Variants in COL4A6 observed in about 807,000 individuals in gnomAD.
COL4A6 encodes collagen type IV alpha 6 chain.
A neutral mutation model predicts 126.7 loss-of-function variants in COL4A6; 59 were observed. The ratio of observed to expected loss-of-function variants is 0.47; its 90% CI spans 0.38 to 0.58. COL4A6 has a LOEUF of 0.58. Ranked by LOEUF, COL4A6 falls within the 20% of genes least tolerant of loss-of-function variation. The probability of loss-of-function intolerance (pLI) is 0.00; values close to 1 mark genes in which losing one functional copy is unlikely to be tolerated. For synonymous variants in COL4A6, 547 were observed against 496.6 expected, an observed-to-expected ratio of 1.10 and a Z score of -1.35; for missense variants, 1,285 against 1,337.3, an observed-to-expected ratio of 0.96 and a Z score of 0.61.
rs374158244 is a variant in COL4A6 at position 108,164,834 on chromosome X, C to T, written c.3970+43G>A. The T allele has an allele frequency of 4.0e-5, 48 of 1,186,438 alleles. No homozygotes were observed. In the African/African-American group the frequency reaches 5.7e-4, roughly 14 times the overall value. On this transcript the variant is annotated intron_variant, in intron 39 of 44. Coordinates refer to ENST00000334504, the MANE Select transcript of COL4A6 (RefSeq NM_033641.4). ...CAGGACTGCAGGAAGGAGTCCTGGC[C>T]GTGGAGTGGGGAAGGGCCCAGCAGC...
Position 108,398,342 on chromosome X carries a change from T to A in COL4A6, c.63+39600A>T, listed in dbSNP as rs72618362. Among the ~76,000 whole-genome samples, 3 of 111,477 alleles carry A rather than the reference T, an allele frequency of 2.7e-5. No homozygotes were observed. The East Asian group carries it at 8.4e-4, about 31-fold the overall frequency. ...GGAAAGCCTAAAAGGTTGTCCATGGTTCTGTACCTTTTAAAATTTATGTGT... is the reference window on the plus strand; with the variant it reads ...GGAAAGCCTAAAAGGTTGTCCATGGATCTGTACCTTTTAAAATTTATGTGT... On this transcript the variant is annotated intron_variant, in intron 2 of 44. Transcript: ENST00000334504.
chrX:108,414,890 T>G (rs913389998), intron 2 of COL4A6, among the ~76,000 whole-genome samples: 1 of 111,726 alleles, frequency 9.0e-6, no homozygotes, highest in African/African-American at 3.3e-5. Context: ...GGATCATGGA[T>G]CACCAGTTTG....
At chrX:108,370,216 C>T (rs2040293181) in intron 2 of COL4A6, among the ~76,000 whole-genome samples, 1 of 112,113 alleles carries the variant, frequency 8.9e-6, no homozygotes, top group Non-Finnish European at 1.9e-5. Flanking sequence ...GATGGTTTTT[C>T]ATTTTTACTT....
intron 2 of COL4A6, among the ~76,000 whole-genome samples, chrX:108,355,482 C>T (rs751007759): frequency 2.7e-5 from 3 of 112,371 alleles, no homozygotes; most frequent in East Asian, 5.6e-4. Flanking sequence ...CTATTTGGTA[C>T]AGTGGTGAAC....
At chrX:108,420,653 G>A (rs1258469083) in intron 2 of COL4A6, among the ~76,000 whole-genome samples, 1 of 111,763 alleles carries the variant, frequency 8.9e-6, no homozygotes, top group Non-Finnish European at 1.9e-5. Flanking sequence ...CACTGTTACT[G>A]GCATCTAATA....
intron 23 of COL4A6, chrX:108,183,859 C>T: frequency 1.9e-6 from 1 of 515,545 alleles, no homozygotes; most frequent in Non-Finnish European, 2.7e-6. Flanking sequence ...CCCAGATATG[C>T]CCACCAACCA....
At chrX:108,305,746 G>A (rs927032235) in intron 3 of COL4A6, among the ~76,000 whole-genome samples, 1 of 112,012 alleles carries the variant, frequency 8.9e-6, no homozygotes, top group Non-Finnish European at 1.9e-5. Flanking sequence ...GAGAAGACAA[G>A]CATGACTCCC....
intron 2 of COL4A6, among the ~76,000 whole-genome samples, chrX:108,379,001 G>A (rs527787478): frequency 8.9e-6 from 1 of 112,321 alleles, no homozygotes; most frequent in South Asian, 3.7e-4. Flanking sequence ...CATGGAAAGA[G>A]CTTGGGTTTC....
chrX:108,419,234 A>G (rs1280070599), intron 2 of COL4A6, among the ~76,000 whole-genome samples: 1 of 112,239 alleles, frequency 8.9e-6, no homozygotes, highest in African/African-American at 3.2e-5. Context: ...TGACATTCTA[A>G]ATACTAGTAA....
chrX:108,337,677 G>A (rs2039464850), intron 2 of COL4A6, among the ~76,000 whole-genome samples: 1 of 112,122 alleles, frequency 8.9e-6, no homozygotes, highest in Non-Finnish European at 1.9e-5. Context: ...GTAAACATGG[G>A]GATATGAATA....
intron 2 of COL4A6, among the ~76,000 whole-genome samples, chrX:108,352,798 G>T (rs763890796): frequency 8.9e-6 from 1 of 112,183 alleles, no homozygotes; most frequent in Admixed American, 9.4e-5. Flanking sequence ...AAGGGATTAC[G>T]TGCTTACAGC....
rs185069235 is a variant in COL4A6 at position 108,390,466 on chromosome X, T to C, written c.63+47476A>G. On this transcript the variant is annotated intron_variant, in intron 2 of 44. Coordinates refer to ENST00000334504, the MANE Select transcript of COL4A6 (RefSeq NM_033641.4). ...TTTCTCTAATCTTTTCTTCTCGCTTTATTTCATTGAGTTGATCTTCAATCT... is the reference window on the plus strand; with the variant it reads ...TTTCTCTAATCTTTTCTTCTCGCTTCATTTCATTGAGTTGATCTTCAATCT... 2.7e-5 allele frequency among the ~76,000 whole-genome samples: 3 copies of C among 109,287 alleles called. No individual in the cohort carries two copies. In the Admixed American group the frequency reaches 3.0e-4, roughly 11 times the overall value. 94.9% of individuals were successfully genotyped at this position (109,287 alleles called of 115,157 possible). A position where few individuals can be genotyped will look rare whatever the true frequency, so the allele number is the denominator to read the frequency against.
Position 108,192,924 on chromosome X carries a change from T to C in COL4A6, c.1073-344A>G, listed in dbSNP as rs138273335. Among the ~76,000 whole-genome samples the C allele has an allele frequency of 4.2e-3, 477 of 112,597 alleles. 3 individuals are homozygous for C. The highest frequency in any genetic ancestry group is 0.014 in the African/African-American group (429 of 31,048). On this transcript the variant is annotated intron_variant, in intron 17 of 44. Coordinates refer to ENST00000334504, the MANE Select transcript of COL4A6 (RefSeq NM_033641.4). ...AAGTCCACTATTTACGTTATACATATATGTTTCCTGGGAGTGGTACACAGG... is the reference window on the plus strand; with the variant it reads ...AAGTCCACTATTTACGTTATACATACATGTTTCCTGGGAGTGGTACACAGG...
intron 2 of COL4A6, among the ~76,000 whole-genome samples, chrX:108,427,002 G>T (rs2064097885): frequency 8.9e-6 from 1 of 112,209 alleles, no homozygotes; most frequent in Admixed American, 9.5e-5. Flanking sequence ...TTTGATAAAT[G>T]TGGAAGGACC....
chrX:108,432,473 G>T (rs778213415), intron 2 of COL4A6, among the ~76,000 whole-genome samples: 1 of 112,019 alleles, frequency 8.9e-6, no homozygotes, highest in East Asian at 2.8e-4. Context: ...TCAACATTTA[G>T]AATTATGGGA....
At chrX:108,331,919 G>GA in intron 2 of COL4A6, among the ~76,000 whole-genome samples, 1 of 111,249 alleles carries the variant, frequency 9.0e-6, no homozygotes, top group Non-Finnish European at 1.9e-5. Flanking sequence ...GAGTAGCAGT[G>GA]AAGTCTGGGT....
chrX:108,331,599 G>A (rs1295574219), intron 2 of COL4A6, among the ~76,000 whole-genome samples: 1 of 111,904 alleles, frequency 8.9e-6, no homozygotes, highest in Non-Finnish European at 1.9e-5. Context: ...TTTGTGGCAC[G>A]TGATTATATT....
intron 32 of COL4A6, 35 bp downstream of exon 32, chrX:108,172,434 A>G (rs1201641221): frequency 1.8e-6 from 2 of 1,105,654 alleles, no homozygotes; most frequent in South Asian, 2.0e-5. Flanking sequence ...TTGCTCTAGA[A>G]GAAAACATTA....
intron 2 of COL4A6, among the ~76,000 whole-genome samples, chrX:108,391,172 T>C (rs1446683608): frequency 1.2e-4 from 13 of 111,236 alleles, no homozygotes; most frequent in Admixed American, 1.0e-3. Context: ...TAAACAAGGG[T>C]GAAGGGCCCA....
Sources: allele counts gnomAD v4.1 joint callset (sites outside exome capture counted in the v4.1 genomes callset), GRCh38; gene constraint gnomAD v4.1.1; transcripts MANE v1.5; gene names NCBI Gene and HGNC (gene_info 2026-07-23, HGNC 2026-07-21).